The following ST6GAL2 variants were observed in gnomAD, a reference collection of about 807,000 sequenced individuals.
ST6GAL2 encodes the protein ST6 beta-galactoside alpha-2,6-sialyltransferase 2.
A neutral mutation model predicts 37.5 loss-of-function variants in ST6GAL2; 24 were observed. The ratio of observed to expected loss-of-function variants is 0.64; its 90% CI spans 0.46 to 0.90. The LOEUF (loss-of-function observed/expected upper bound fraction) is 0.90. Ranked by LOEUF, ST6GAL2 falls within the 40% of genes least tolerant of loss-of-function variation. The pLI is 0.00. For missense variants in ST6GAL2, 715 were observed against 712.7 expected (o/e 1.00, Z -0.04); for synonymous variants, 306 against 295.1 (o/e 1.04, Z -0.38).
intron 1 of ST6GAL2, among the ~76,000 whole-genome samples, chr2:106,867,121 C>T (rs931455550): frequency 6.6e-6 from 1 of 152,064 alleles, no homozygotes; most frequent in Admixed American, 6.6e-5. Flanking sequence ...TGTTTTAGTA[C>T]CTTGGAGGGC....
intron 1 of ST6GAL2, among the ~76,000 whole-genome samples, chr2:106,875,628 T>C (rs1233888266): frequency 6.6e-6 from 1 of 152,250 alleles, no homozygotes; most frequent in East Asian, 1.9e-4. Context: ...ACATTCATTG[T>C]TTCCAAATTG....
intron 5 of ST6GAL2, among the ~76,000 whole-genome samples, chr2:106,814,953 G>A (rs952592624): frequency 6.6e-6 from 1 of 152,218 alleles, no homozygotes; most frequent in Non-Finnish European, 1.5e-5. Flanking sequence ...GTGTAAGGAA[G>A]CTAATGAGAT....
chr2:106,837,498 A>G (rs1282497637), intron 2 of ST6GAL2, among the ~76,000 whole-genome samples: 2 of 152,204 alleles, frequency 1.3e-5, no homozygotes, highest in South Asian at 4.1e-4. Context: ...GCAAAGGCTA[A>G]GGGTAAGCTT....
intron 4 of ST6GAL2, among the ~76,000 whole-genome samples, chr2:106,831,310 G>A (rs1193467173): frequency 1.3e-5 from 2 of 152,212 alleles, no homozygotes; most frequent in East Asian, 3.9e-4. Context: ...TACAGAAAGC[G>A]GCCTTGTCAC....
chr2:106,875,134 T>C (rs1386743273), intron 1 of ST6GAL2, among the ~76,000 whole-genome samples: 4 of 152,118 alleles, frequency 2.6e-5, no homozygotes, highest in African/African-American at 9.7e-5. Flanking sequence ...TTCTCTTCCG[T>C]TCTACTAAAT....
chr2:106,830,106 T>G lies in ST6GAL2; in HGVS notation c.1278A>C (p.Lys426Asn). ...ATGGTGGGTTTGGTTGAATCTTCTC[T>G]TTAGTGTTCTCCTGGATAATATCCC... ...QLWDIIQENTKEKIQPNPPSS... is the reference protein window; with the variant it reads ...QLWDIIQENTNEKIQPNPPSS... Residue 426 changes from lysine to asparagine, a missense_variant, in exon 5 of 6, where the codon AAA (lysine) becomes AAC (asparagine). By Grantham distance (94) the Lys-to-Asn change is moderately conservative (BLOSUM62 0). Transcript: ENST00000409382. The G allele has an allele frequency of 6.2e-7, 1 of 1,614,110 alleles. No homozygotes were observed. The highest frequency in any genetic ancestry group is 8.5e-7 in the Non-Finnish European group (1 of 1,180,012).
intron 1 of ST6GAL2, among the ~76,000 whole-genome samples, chr2:106,847,076 A>G (rs1573268288): frequency 6.6e-6 from 1 of 152,318 alleles, no homozygotes; most frequent in East Asian, 1.9e-4. Flanking sequence ...TACATTTTCT[A>G]AATTTACACT....
chr2:106,864,268 C>A (rs1193204326), intron 1 of ST6GAL2, among the ~76,000 whole-genome samples: 1 of 152,190 alleles, frequency 6.6e-6, no homozygotes, highest in African/African-American at 2.4e-5. Flanking sequence ...CACCTGCAAG[C>A]CTATGCAAGG....
At chr2:106,866,531 G>T (rs890370068) in intron 1 of ST6GAL2, among the ~76,000 whole-genome samples, 1 of 152,206 alleles carries the variant, frequency 6.6e-6, no homozygotes, top group Non-Finnish European at 1.5e-5. Flanking sequence ...TGCAAGGTGA[G>T]TATGGTACCT....
intron 1 of ST6GAL2, among the ~76,000 whole-genome samples, chr2:106,885,338 T>G (rs1407007512): frequency 2.0e-5 from 3 of 151,944 alleles, no homozygotes; most frequent in African/African-American, 7.3e-5. Flanking sequence ...AGCATTACTT[T>G]CCCCCCAAAA....
chr2:106,832,737 G>GA (rs1218786445), intron 3 of ST6GAL2, 71 bp from the exon 4 acceptor site: 1 of 1,017,086 alleles, frequency 9.8e-7, no homozygotes, highest in Non-Finnish European at 1.6e-6. Flanking sequence ...AAAAAGAGGT[G>GA]AAAATTAAAA....
At chr2:106,831,417 G>T (rs563838403) in intron 4 of ST6GAL2, among the ~76,000 whole-genome samples, 9 of 152,324 alleles carry the variant, frequency 5.9e-5, no homozygotes, top group African/African-American at 2.2e-4. Context: ...AAACTCTCAA[G>T]TCTGTTCACA....
chr2:106,807,273 C>T (rs931955934), intron 5 of ST6GAL2, among the ~76,000 whole-genome samples: 8 of 152,056 alleles, frequency 5.3e-5, no homozygotes, highest in Admixed American at 4.6e-4. Context: ...GATTTGCAAC[C>T]CCCCAAATCA....
intron 1 of ST6GAL2, among the ~76,000 whole-genome samples, chr2:106,867,433 C>A (rs542341636): frequency 1.3e-5 from 2 of 152,250 alleles, no homozygotes; most frequent in African/African-American, 4.8e-5. Flanking sequence ...TTCAGCTGTG[C>A]TTTCTCCATT....
At position 106,805,763 on chromosome 2, in the gene ST6GAL2, C is replaced by T. The variant is rs181052084; in HGVS notation, c.*915G>A. On this transcript the variant is annotated 3_prime_UTR_variant, in exon 6 of 6. Coordinates refer to ENST00000409382, the MANE Select transcript of ST6GAL2 (RefSeq NM_001142351.2). Reference sequence around the variant, plus strand: ...TAGTTTGGAAGGAGCAAGGTGTCTCCCGTCTTCCCCAGCACAGCTGTGCCA... The same window carrying T: ...TAGTTTGGAAGGAGCAAGGTGTCTCTCGTCTTCCCCAGCACAGCTGTGCCA... 6.6e-6 allele frequency: 1 copy of T among 152,284 alleles called. No homozygotes were observed. Among genetic ancestry groups the T allele is most frequent in the Non-Finnish European group, 1.5e-5 (1 of 68,050 alleles). The allele number at this position is 152,284 out of a possible 1,614,324, so 9.4% of individuals were successfully genotyped here.
chr2:106,872,522 C>G (rs1032598504), intron 1 of ST6GAL2, among the ~76,000 whole-genome samples: 1 of 152,160 alleles, frequency 6.6e-6, no homozygotes, highest in Non-Finnish European at 1.5e-5. Context: ...CTCACTTGTA[C>G]GAGAGGTCCC....
intron 5 of ST6GAL2, among the ~76,000 whole-genome samples, chr2:106,808,975 C>A (rs759955454): frequency 1.3e-5 from 2 of 152,154 alleles, no homozygotes; most frequent in Non-Finnish European, 2.9e-5. Flanking sequence ...CCACTGGACT[C>A]CAGCCTGGGC....
chr2:106,836,773 C>CAAAAAAAAAAAA (rs70956213), intron 2 of ST6GAL2, among the ~76,000 whole-genome samples: 16 of 70,208 alleles, frequency 2.3e-4, no homozygotes, highest in South Asian at 6.0e-4. Flanking sequence ...ACTAAAAATA[C>CAAAAAAAAAAAA]AAAAAAAAAA....
intron 1 of ST6GAL2, among the ~76,000 whole-genome samples, chr2:106,871,304 T>C (rs1042153482): frequency 6.6e-6 from 1 of 152,202 alleles, no homozygotes; most frequent in Admixed American, 6.5e-5. Flanking sequence ...AGTCAGTCAG[T>C]GGTGAGTGGA....
Sources: allele counts gnomAD v4.1 joint callset (sites outside exome capture counted in the v4.1 genomes callset), GRCh38; gene constraint gnomAD v4.1.1; transcripts MANE v1.5; gene names NCBI Gene and HGNC (gene_info 2026-07-23, HGNC 2026-07-21).